SNRNP27: variants seen among roughly 807,000 people sequenced by gnomAD.
The protein encoded by SNRNP27 is U4/U6.U5 small nuclear ribonucleoprotein 27 kDa protein.
A neutral mutation model predicts 25.1 loss-of-function variants in SNRNP27; 22 were observed. The ratio of observed to expected loss-of-function variants is 0.88; its 90% CI spans 0.63 to 1.25. SNRNP27 has a LOEUF of 1.25. Ranked by LOEUF, SNRNP27 falls within the 50% of genes most tolerant of loss-of-function variation. The probability of loss-of-function intolerance (pLI) is 0.00; values close to 1 mark genes in which losing one functional copy is unlikely to be tolerated. For synonymous variants in SNRNP27, 66 were observed against 64.9 expected (o/e 1.02, Z -0.08); for missense variants, 150 against 202.3 (o/e 0.74, Z 1.57).
rs1235485705 is a variant in SNRNP27 at position 69,894,031 on chromosome 2, G to A, written c.34+13G>A. The A allele has an allele frequency of 1.2e-6, 2 of 1,612,072 alleles. No homozygotes were observed. The highest frequency in any genetic ancestry group is 1.7e-5 in the Admixed American group (1 of 60,002). On this transcript the variant is annotated intron_variant, in intron 1 of 5. Transcript: ENST00000244227. Reference sequence around the variant, plus strand: ...TCTCCACGGAGGGGTGAGTCCTGTAGCAATTCGGAGGATATGGGGCTCTGT... The same window carrying A: ...TCTCCACGGAGGGGTGAGTCCTGTAACAATTCGGAGGATATGGGGCTCTGT...
At position 69,896,757 on chromosome 2, in the gene SNRNP27, C is replaced by T. The variant is rs187692076; in HGVS notation, c.268+209C>T. On this transcript the variant is annotated intron_variant, in intron 3 of 5. Coordinates refer to ENST00000244227, the MANE Select transcript of SNRNP27 (RefSeq NM_006857.3). ...GCACAATCTTGGCTCACTGCAACCT[C>T]CGCCTCCTGGGTTTAAGCAATTCTT... Among the ~76,000 whole-genome samples, 195 of 151,458 alleles carry T rather than the reference C, an allele frequency of 1.3e-3. No individual in the cohort carries two copies. The Middle Eastern group carries it at 0.028, about 22-fold the overall frequency.
chr2:69,897,657 G>A, intron 4 of SNRNP27: 2 of 542,054 alleles, frequency 3.7e-6, no homozygotes, highest in Non-Finnish European at 6.7e-6. Context: ...GTTTGAATTA[G>A]ATTTTAAAGG....
chr2:69,903,477 A>G (rs1676744105), intron 5 of SNRNP27: 1 of 447,874 alleles, frequency 2.2e-6, no homozygotes, highest in East Asian at 3.9e-5. Context: ...AGGACTATAG[A>G]TAGTAATTTC....
chr2:69,901,058 C>G (rs1676685515), intron 4 of SNRNP27, among the ~76,000 whole-genome samples: 1 of 151,812 alleles, frequency 6.6e-6, no homozygotes, highest in South Asian at 2.1e-4. Context: ...CCTGTAGTCC[C>G]AGCTATTCGA....
At position 69,893,989 on chromosome 2, in the gene SNRNP27, G is replaced by T. The variant is rs976930691; in HGVS notation, c.5G>T (p.Gly2Val). ...TTCCGGGAAGCGGGACTCCAAATGG[G>T]TCGCAGTCGCAGCCGCTCTCCACGG... is the stretch of plus-strand genomic sequence containing the variant. M[G>V]RSRSRSPRRE... The change falls in exon 1 of 6, where the codon GGT (glycine) becomes GTT (valine). Residue 2 changes from glycine to valine, a missense_variant. Coordinates refer to ENST00000244227, the MANE Select transcript of SNRNP27 (RefSeq NM_006857.3). 6.2e-7 allele frequency: 1 copy of T among 1,614,092 alleles called. No individual in the cohort carries two copies. Among genetic ancestry groups the T allele is most frequent in the Admixed American group, 1.7e-5 (1 of 60,020 alleles).
intron 4 of SNRNP27, among the ~76,000 whole-genome samples, 196 bp from the exon 5 acceptor site, chr2:69,902,985 C>G (rs1172639380): frequency 7.1e-6 from 1 of 140,784 alleles, no homozygotes; most frequent in Non-Finnish European, 1.5e-5. Context: ...CTCAGTTGCC[C>G]AGGCTGGAGT....
chr2:69,903,205 A>G lies in SNRNP27; in HGVS notation c.373A>G (p.Asn125Asp). Residue 125 changes from asparagine to aspartate, a missense_variant, in exon 5 of 6, where the codon AAT becomes GAT. This residue lies in a region of SNRNP27 where 142 missense variants were observed against 168.6 expected (regional missense o/e 0.84). Coordinates refer to ENST00000244227, the MANE Select transcript of SNRNP27 (RefSeq NM_006857.3). ...GGGTAAGAAGGTGGATGGCTCTGTA[A>G]ATGCCTATGCCATAAATGTCTCTCA... is the stretch of plus-strand genomic sequence containing the variant. Reference protein sequence around the residue: ...TKGKKVDGSVNAYAINVSQKR... With the variant: ...TKGKKVDGSVDAYAINVSQKR... 1 of 1,613,140 alleles carries G rather than the reference A, an allele frequency of 6.2e-7. No individual in the cohort carries two copies. The highest frequency in any genetic ancestry group is 8.5e-7 in the Non-Finnish European group (1 of 1,179,256).
Position 69,904,443 on chromosome 2 carries a change from A to C in SNRNP27, c.*135A>C. 1 of 748,614 alleles carries C rather than the reference A, an allele frequency of 1.3e-6. No homozygotes were observed. The highest frequency in any genetic ancestry group is 1.5e-5 in the South Asian group (1 of 66,554). 46.4% of individuals were successfully genotyped at this position (748,614 alleles called of 1,614,324 possible). A position where few individuals can be genotyped will look rare whatever the true frequency, so the allele number is the denominator to read the frequency against. ...CTTGTAAAGTAAGAAAATCTTATTT[A>C]TGATATATGCAGTTAACTTACCTTG... On this transcript the variant is annotated 3_prime_UTR_variant, in exon 6 of 6. Coordinates refer to ENST00000244227, the MANE Select transcript of SNRNP27 (RefSeq NM_006857.3).
rs574814188 is a variant in SNRNP27, at chr2:69,894,689, T to C, written c.35-405T>C. On this transcript the variant is annotated intron_variant, in intron 1 of 5. Transcript: ENST00000244227. Reference sequence around the variant, plus strand: ...TTTTTTTTTTAAATCAATTTATTTATTTTTAATGAGACAGAGTCTCGCTCT... The same window carrying C: ...TTTTTTTTTTAAATCAATTTATTTACTTTTAATGAGACAGAGTCTCGCTCT... Among the ~76,000 whole-genome samples, 21 of 152,172 alleles carry C rather than the reference T, an allele frequency of 1.4e-4. No individual in the cohort carries two copies. In the South Asian group the frequency reaches 4.2e-3, roughly 30 times the overall value.
chr2:69,895,221 G>C lies in SNRNP27; in HGVS notation c.155+7G>C. 1 of 1,611,194 alleles carries C rather than the reference G, an allele frequency of 6.2e-7. No homozygotes were observed. Among genetic ancestry groups the C allele is most frequent in the South Asian group, 1.1e-5 (1 of 90,606 alleles). ...CGCACCGAAGACGCTCCCGGTAAGGGCAGAAAATAAGCCAAGAGTTTTATT... is the reference window on the plus strand; with the variant it reads ...CGCACCGAAGACGCTCCCGGTAAGGCCAGAAAATAAGCCAAGAGTTTTATT... On this transcript the variant is annotated splice_region_variant and intron_variant, in intron 2 of 5. Coordinates refer to ENST00000244227, the MANE Select transcript of SNRNP27 (RefSeq NM_006857.3).
At chr2:69,899,141 A>G (rs1676649896) in intron 4 of SNRNP27, among the ~76,000 whole-genome samples, 1 of 152,196 alleles carries the variant, frequency 6.6e-6, no homozygotes, top group African/African-American at 2.4e-5. Context: ...TTGCTTATAA[A>G]GGAAAACTTA....
Position 69,896,432 on chromosome 2 carries a change from T to C in SNRNP27, c.156-4T>C, listed in dbSNP as rs17037234. The C allele has an allele frequency of 0.016, 25,388 of 1,610,894 alleles. 3,617 individuals carry two copies. The African/African-American group carries it at 0.3, about 19-fold the overall frequency. ...TTTCTAACATCTTTGCTTATAAATA[T>C]TAGATCTCCAAGACGACATAGATCC... On this transcript the variant is annotated splice_region_variant and splice_polypyrimidine_tract_variant and intron_variant, in intron 2 of 5. Transcript: ENST00000244227.
At position 69,903,683 on chromosome 2, in the gene SNRNP27, T is replaced by C. The variant is rs192480293; in HGVS notation, c.413+438T>C. On this transcript the variant is annotated intron_variant, in intron 5 of 5. Coordinates refer to ENST00000244227, the MANE Select transcript of SNRNP27 (RefSeq NM_006857.3). ...CATACATGAAATCTCACTGAATTCTTAATGAATGAAAAAGTCAAGATATTT... is the reference window on the plus strand; with the variant it reads ...CATACATGAAATCTCACTGAATTCTCAATGAATGAAAAAGTCAAGATATTT... Among the ~76,000 whole-genome samples, 183 of 152,340 alleles carry C rather than the reference T, an allele frequency of 1.2e-3. 2 individuals are homozygous for C. The highest frequency in any genetic ancestry group is 5.0e-3 in the Admixed American group (76 of 15,308).
At chr2:69,894,136 G>A in intron 1 of SNRNP27, 118 bp downstream of exon 1, 1 of 912,620 alleles carries the variant, frequency 1.1e-6, no homozygotes, top group South Asian at 1.6e-5. Context: ...TTCCCAGGCG[G>A]AGAGCGAGGG....
intron 4 of SNRNP27, among the ~76,000 whole-genome samples, chr2:69,902,205 T>C (rs1016956693): frequency 6.6e-6 from 1 of 150,940 alleles, no homozygotes; most frequent in African/African-American, 2.4e-5. Flanking sequence ...TCCTCCTTCC[T>C]CCTTCCTCCT....
At chr2:69,896,835 G>A (rs1676612118) in intron 3 of SNRNP27, among the ~76,000 whole-genome samples, 1 of 152,014 alleles carries the variant, frequency 6.6e-6, no homozygotes, top group South Asian at 2.1e-4. Flanking sequence ...CACTATGCCC[G>A]GCTAATTTTT....
At chr2:69,896,072 G>T (rs1248243200) in intron 2 of SNRNP27, among the ~76,000 whole-genome samples, 1 of 151,352 alleles carries the variant, frequency 6.6e-6, no homozygotes, top group African/African-American at 2.4e-5. Flanking sequence ...TTTCCAAAGT[G>T]CTGGAATTAG....
At chr2:69,896,656 A>G (rs1240937750) in intron 3 of SNRNP27, 108 bp downstream of exon 3, 4 of 1,072,382 alleles carry the variant, frequency 3.7e-6, no homozygotes, top group African/African-American at 3.3e-5. Flanking sequence ...TTCATTGCAT[A>G]TGGTTTTGAG....
intron 4 of SNRNP27, among the ~76,000 whole-genome samples, chr2:69,902,560 CCTTCTGCTGCTTTTGCTT>C (rs1676721977): frequency 6.7e-6 from 1 of 149,888 alleles, no homozygotes; most frequent in Admixed American, 6.7e-5. Flanking sequence ...TTCTGCTGCT[CCTTCTGCTGCTTTTGCTT>C]CTTCTGCTTC....
Sources: allele counts gnomAD v4.1 joint callset (sites outside exome capture counted in the v4.1 genomes callset), GRCh38; gene constraint gnomAD v4.1.1; regional missense constraint gnomAD v4.1.1; transcripts MANE v1.5; gene names NCBI Gene and HGNC (gene_info 2026-07-23, HGNC 2026-07-21).